IL1RAPL2: variants seen among roughly 807,000 people sequenced by gnomAD.
IL1RAPL2 encodes interleukin 1 receptor accessory protein like 2.
Under a neutral mutation model 44.1 loss-of-function variants are expected in IL1RAPL2, and 3 were observed. The ratio of observed to expected loss-of-function variants is 0.07; its 90% CI spans 0.03 to 0.18. IL1RAPL2 has a LOEUF of 0.18. Ranked by LOEUF, IL1RAPL2 falls within the 10% of genes least tolerant of loss-of-function variation. IL1RAPL2 has a pLI of 1.00. For synonymous variants in IL1RAPL2, 181 were observed against 178.8 expected (o/e 1.01, Z -0.10); for missense variants, 391 against 496.4 (o/e 0.79, Z 2.02).
chrX:105,698,479 T>A (rs2038094855), intron 6 of IL1RAPL2, among the ~76,000 whole-genome samples: 1 of 111,973 alleles, frequency 8.9e-6, no homozygotes, highest in African/African-American at 3.2e-5. Context: ...AAATATTTAA[T>A]TTGGGTTTAG....
intron 5 of IL1RAPL2, among the ~76,000 whole-genome samples, chrX:105,457,111 A>G (rs2036061420): frequency 9.2e-6 from 1 of 108,623 alleles, no homozygotes; most frequent in Non-Finnish European, 1.9e-5. Context: ...AGCAGTTTCA[A>G]TCTACTTAAA....
intron 6 of IL1RAPL2, among the ~76,000 whole-genome samples, chrX:105,670,368 T>G (rs1327366344): frequency 2.9e-5 from 3 of 103,678 alleles, no homozygotes; most frequent in Non-Finnish European, 5.9e-5. Context: ...TGGCACGATC[T>G]CGGCTCACTG....
intron 2 of IL1RAPL2, among the ~76,000 whole-genome samples, chrX:105,073,967 A>G (rs867330437): frequency 9.0e-6 from 1 of 111,530 alleles, no homozygotes; most frequent in East Asian, 2.8e-4. Context: ...GTAGGTTGCA[A>G]AAATTCTCTC....
chrX:104,664,645 G>A (rs771365810), intron 2 of IL1RAPL2, among the ~76,000 whole-genome samples: 6 of 111,748 alleles, frequency 5.4e-5, no homozygotes, highest in Non-Finnish European at 1.1e-4. Context: ...CATTCTTTGG[G>A]TGCTTTCTGT....
chrX:104,732,331 A>G (rs184726173), intron 2 of IL1RAPL2, among the ~76,000 whole-genome samples: 2 of 111,833 alleles, frequency 1.8e-5, no homozygotes, highest in East Asian at 5.6e-4. Context: ...CAAAACCAGC[A>G]TTTGGTCTTT....
chrX:104,993,867 T>G (rs2030706048), intron 2 of IL1RAPL2, among the ~76,000 whole-genome samples: 1 of 112,010 alleles, frequency 8.9e-6, no homozygotes, highest in Non-Finnish European at 1.9e-5. Flanking sequence ...GAACTCACTC[T>G]TAACCACTAT....
chrX:105,152,007 G>A (rs984301374), intron 2 of IL1RAPL2, among the ~76,000 whole-genome samples: 1 of 110,378 alleles, frequency 9.1e-6, no homozygotes, highest in Non-Finnish European at 1.9e-5. Flanking sequence ...GGAGAGGGTG[G>A]GAAGGAGGTG....
chrX:104,722,005 T>C (rs1156745119), intron 2 of IL1RAPL2, among the ~76,000 whole-genome samples: 1 of 111,712 alleles, frequency 9.0e-6, no homozygotes, highest in African/African-American at 3.2e-5. Flanking sequence ...ACTGGATTTC[T>C]GGCAACGGCA....
intron 7 of IL1RAPL2, among the ~76,000 whole-genome samples, chrX:105,725,927 T>A (rs1366843237): frequency 8.9e-6 from 1 of 111,886 alleles, no homozygotes; most frequent in Non-Finnish European, 1.9e-5. Context: ...TAGTTTTACC[T>A]AGGGCCGTCC....
At chrX:104,669,132 T>C (rs1930544467) in intron 2 of IL1RAPL2, among the ~76,000 whole-genome samples, 1 of 111,636 alleles carries the variant, frequency 9.0e-6, no homozygotes, top group East Asian at 2.8e-4. Context: ...TTGTTTCTTG[T>C]GCATTTCGCC....
At chrX:104,637,168 A>G (rs1929830716) in intron 1 of IL1RAPL2, among the ~76,000 whole-genome samples, 1 of 109,872 alleles carries the variant, frequency 9.1e-6, no homozygotes, top group Non-Finnish European at 1.9e-5. Context: ...ATTTTTGTAC[A>G]CTGATTTTGT....
At chrX:105,472,074 G>A (rs1414819583) in intron 5 of IL1RAPL2, among the ~76,000 whole-genome samples, 1 of 110,771 alleles carries the variant, frequency 9.0e-6, no homozygotes, top group Non-Finnish European at 1.9e-5. Flanking sequence ...GTGGGATGGA[G>A]GGGTGGTGGT....
At position 104,692,153 on chromosome X, in the gene IL1RAPL2, G is replaced by T. The variant is rs141122040; in HGVS notation, c.82+33158G>T. On this transcript the variant is annotated intron_variant, in intron 2 of 10. Coordinates refer to ENST00000372582, the MANE Select transcript of IL1RAPL2 (RefSeq NM_017416.2). ...CCTCAGTTTCCCTTTTATATAGATG[G>T]GACAAATGACATCATAGTTTATTCA... Among the ~76,000 whole-genome samples the T allele has an allele frequency of 7.8e-3, 859 of 110,500 alleles. 13 individuals are homozygous for T. The highest frequency in any genetic ancestry group is 0.027 in the African/African-American group (809 of 30,369).
At chrX:105,447,701 T>A (rs1354667142) in intron 5 of IL1RAPL2, among the ~76,000 whole-genome samples, 1 of 83,054 alleles carries the variant, frequency 1.2e-5, no homozygotes, top group East Asian at 3.9e-4. Flanking sequence ...TAAATATATA[T>A]AAATATATTA....
intron 6 of IL1RAPL2, among the ~76,000 whole-genome samples, chrX:105,609,675 A>C (rs2147826114): frequency 9.0e-6 from 1 of 111,426 alleles, no homozygotes. Flanking sequence ...ATCAGAGAAT[A>C]ATTATAGTTA....
chrX:105,008,951 C>T (rs2030994593), intron 2 of IL1RAPL2, among the ~76,000 whole-genome samples: 1 of 112,044 alleles, frequency 8.9e-6, no homozygotes. Flanking sequence ...TATTAGCAGA[C>T]ACTTCTCAAA....
chrX:105,702,508 A>AT (rs1345927210), intron 6 of IL1RAPL2, among the ~76,000 whole-genome samples: 1 of 112,002 alleles, frequency 8.9e-6, no homozygotes, highest in Non-Finnish European at 1.9e-5. Flanking sequence ...TCCCCTTGCA[A>AT]TAAAAATAAC....
At chrX:105,041,072 T>C (rs2031726473) in intron 2 of IL1RAPL2, among the ~76,000 whole-genome samples, 2 of 103,658 alleles carry the variant, frequency 1.9e-5, no homozygotes, top group South Asian at 9.3e-4. Context: ...GATTCTGGTA[T>C]GTTGTGTCTT....
At chrX:104,905,834 T>G (rs1923978972) in intron 2 of IL1RAPL2, among the ~76,000 whole-genome samples, 1 of 111,329 alleles carries the variant, frequency 9.0e-6, no homozygotes, top group Non-Finnish European at 1.9e-5. Flanking sequence ...TTTCCAATTC[T>G]GTGAAGAAAG....
Sources: gnomAD v4.1 joint callset for allele counts (sites outside exome capture counted in the v4.1 genomes callset) on GRCh38, gnomAD v4.1.1 for gene constraint, MANE v1.5 for transcripts, NCBI Gene and HGNC (gene_info 2026-07-23, HGNC 2026-07-21) for gene names.